The following PDZK1 variants were observed in gnomAD, a reference collection of about 807,000 sequenced individuals.
PDZK1 encodes PDZ domain containing 1, also known as Na(+)/H(+) exchange regulatory cofactor NHE-RF3.
PDZK1 carries 23 observed loss-of-function variants against 38.1 expected under a neutral mutation model. The ratio of observed to expected loss-of-function variants is 0.60; its 90% CI spans 0.43 to 0.85. The LOEUF (loss-of-function observed/expected upper bound fraction) is 0.85, where lower values mean the gene tolerates loss of function less well. PDZK1 is among the 40% of genes least tolerant of loss of function. The probability of loss-of-function intolerance (pLI) is 0.00; values close to 1 mark genes in which losing one functional copy is unlikely to be tolerated. For synonymous variants in PDZK1, 98 were observed against 186.2 expected (o/e 0.53, Z 3.86); for missense variants, 297 against 504.3 (o/e 0.59, Z 3.94).
intron 1 of PDZK1, among the ~76,000 whole-genome samples, chr1:145,704,502 A>G (rs1183319344): frequency 6.6e-6 from 1 of 152,202 alleles, no homozygotes; most frequent in Non-Finnish European, 1.5e-5. Context: ...AAGATGTGCT[A>G]GACACTATGT....
In PDZK1 at chr1:145,687,929, C is replaced by G; in HGVS notation, c.93G>C (p.Glu31Asp). The G allele has an allele frequency of 6.2e-7, 1 of 1,612,772 alleles. No individual in the cohort carries two copies. Among genetic ancestry groups the G allele is most frequent in the Non-Finnish European group, 8.5e-7 (1 of 1,179,532 alleles). ...TCTCAACCACCCGGACCAGGTGGCC[C>G]TCGGTGTCCTTCTCAATTCGCAGGA... The part of the protein sequence containing the change: ...GFFLRIEKDT[E>D]GHLVRVVEKC... The change falls in exon 2 of 9, where the codon GAG (glutamate) becomes GAC (aspartate). Residue 31 changes from glutamate to aspartate, a missense_variant. Physicochemically the swap from Glu to Asp is conservative, Grantham distance 45. This residue lies in a region of PDZK1 where 159 missense variants were observed against 200.0 expected (regional missense o/e 0.79). Coordinates refer to ENST00000417171, the MANE Select transcript of PDZK1 (RefSeq NM_001201325.2).
In PDZK1 at chr1:145,686,616, T is replaced by C; in HGVS notation, c.321A>G (p.Gln107=). 3.7e-6 allele frequency: 6 copies of C among 1,606,284 alleles called. No homozygotes were observed. Among genetic ancestry groups the C allele is most frequent in the Non-Finnish European group, 5.1e-6 (6 of 1,176,142 alleles). ...KTRVDLKELG[Q]SQKEQGLSDN... ...CACTCAAACCTTGCTCCTTCTGACT[T>C]TGACCCAACTCTTTCAAGTCCACCC... The change falls in exon 3 of 9, where the codon CAA becomes CAG. Residue 107 remains glutamine, a synonymous_variant. Transcript: ENST00000417171.
chr1:145,675,361 T>TTTCC (rs1483094453), intron 6 of PDZK1, among the ~76,000 whole-genome samples: 1 of 142,840 alleles, frequency 7.0e-6, no homozygotes. Context: ...AATCAAGCAA[T>TTTCC]GGAAGGTGAG....
At chr1:145,697,120 G>A (rs1553704254) in intron 1 of PDZK1, among the ~76,000 whole-genome samples, 1 of 152,054 alleles carries the variant, frequency 6.6e-6, no homozygotes, top group Non-Finnish European at 1.5e-5. Flanking sequence ...TTGAGGTTAG[G>A]AGTTCAAGAC....
At chr1:145,679,606 C>G (rs1654037624) in intron 5 of PDZK1, among the ~76,000 whole-genome samples, 1 of 152,092 alleles carries the variant, frequency 6.6e-6, no homozygotes, top group Non-Finnish European at 1.5e-5. Flanking sequence ...CAAGTCACTT[C>G]CTGGTGCAAC....
chr1:145,671,145 A>G lies in PDZK1; in HGVS notation c.*291T>C. ...GGAACCTGTAGAAGTAAGAGACATC[A>G]TCATACAGAGAAATGTAGTTAAGTT... On this transcript the variant is annotated 3_prime_UTR_variant, in exon 9 of 9. Coordinates refer to ENST00000417171, the MANE Select transcript of PDZK1 (RefSeq NM_001201325.2). The G allele has an allele frequency of 1.4e-6, 1 of 735,044 alleles. No homozygotes were observed. Among genetic ancestry groups the G allele is most frequent in the Non-Finnish European group, 1.9e-6 (1 of 520,554 alleles). The allele number at this position is 735,044 out of a possible 1,614,324, so 45.5% of individuals were successfully genotyped here.
intron 1 of PDZK1, among the ~76,000 whole-genome samples, chr1:145,702,408 C>T (rs147901108): frequency 6.2e-4 from 95 of 152,124 alleles, no homozygotes; most frequent in African/African-American, 2.1e-3. Flanking sequence ...ACAGCTCAAC[C>T]GCCTTGAGTG....
chr1:145,691,792 A>G (rs1655250852), intron 1 of PDZK1: 1 of 152,262 alleles, frequency 6.6e-6, no homozygotes, highest in Middle Eastern at 3.4e-3. Context: ...CCTGGGCAAC[A>G]GAATGAGACC....
rs11420111 is a variant in PDZK1, at chr1:145,687,524, C to CA, written c.210+287dup. ...TGGGTGAAAGAGCGAAACTCCATCT[C>CA]AAAAAAAAAAAAAAAAAAAAAAATA... On this transcript the variant is annotated intron_variant, in intron 2 of 8. Coordinates refer to ENST00000417171, the MANE Select transcript of PDZK1 (RefSeq NM_001201325.2). Among the ~76,000 whole-genome samples, 379 of 64,204 alleles carry CA rather than the reference C, an allele frequency of 5.9e-3. 1 individual carries two copies. The highest frequency in any genetic ancestry group is 0.033 in the Middle Eastern group (4 of 122). The allele number at this position is 64,204 out of a possible 152,430, so 42.1% of individuals were successfully genotyped here. A position where few individuals can be genotyped will look rare whatever the true frequency, so the allele number is the denominator to read the frequency against.
chr1:145,687,385 T>C (rs1215285489), intron 2 of PDZK1, among the ~76,000 whole-genome samples: 1 of 139,636 alleles, frequency 7.2e-6, no homozygotes, highest in Non-Finnish European at 1.5e-5. Flanking sequence ...AAAAGCTGGG[T>C]GTGGTGGCGG....
intron 1 of PDZK1, among the ~76,000 whole-genome samples, chr1:145,704,258 G>A (rs2101942131): frequency 6.6e-6 from 1 of 152,262 alleles, no homozygotes; most frequent in East Asian, 1.9e-4. Flanking sequence ...GTCCCCATTG[G>A]GACCCCATGG....
intron 1 of PDZK1, among the ~76,000 whole-genome samples, chr1:145,693,706 G>A (rs889265356): frequency 7.2e-5 from 11 of 151,762 alleles, no homozygotes; most frequent in East Asian, 5.8e-4. Context: ...CCCGGAAGGC[G>A]GAGCTTGCAG....
chr1:145,676,564 A>G (rs1254222084), intron 6 of PDZK1, among the ~76,000 whole-genome samples: 1 of 148,884 alleles, frequency 6.7e-6, no homozygotes, highest in Non-Finnish European at 1.5e-5. Flanking sequence ...TAAAACTACT[A>G]AAATACAAAA....
At chr1:145,698,606 AC>A (rs1182732983) in intron 1 of PDZK1, among the ~76,000 whole-genome samples, 1 of 152,146 alleles carries the variant, frequency 6.6e-6, no homozygotes, top group African/African-American at 2.4e-5. Context: ...GGTAACTTTT[AC>A]CCTAAGTTGG....
intron 2 of PDZK1, 139 bp from the exon 3 acceptor site, chr1:145,686,865 C>T (rs10158961): frequency 2.2e-6 from 2 of 926,598 alleles, no homozygotes; most frequent in South Asian, 1.7e-5. Context: ...CAGGTAGTTC[C>T]TCAGCCACCT....
Position 145,671,351 on chromosome 1 carries a change from C to G in PDZK1, c.*85G>C, listed in dbSNP as rs1553697734. On this transcript the variant is annotated 3_prime_UTR_variant, in exon 9 of 9. Transcript: ENST00000417171. ...TCTTCTAAAGAGACAGTAAACAGGT[C>G]ACAACTCATTCCTTGAGAAAGGATT... 17 of 1,602,820 alleles carry G rather than the reference C, an allele frequency of 1.1e-5. No homozygotes were observed. The highest frequency in any genetic ancestry group is 4.3e-6 in the Non-Finnish European group (5 of 1,174,230).
At chr1:145,681,530 C>T (rs1277908586) in intron 4 of PDZK1, among the ~76,000 whole-genome samples, 1 of 148,586 alleles carries the variant, frequency 6.7e-6, no homozygotes, top group Non-Finnish European at 1.5e-5. Context: ...CCTCGTGATC[C>T]ACCCGCCTCG....
At chr1:145,697,431 C>T (rs1655691054) in intron 1 of PDZK1, among the ~76,000 whole-genome samples, 1 of 152,074 alleles carries the variant, frequency 6.6e-6, no homozygotes, top group Non-Finnish European at 1.5e-5. Context: ...ATTTTAGTGT[C>T]ATCAAAACTA....
intron 1 of PDZK1, among the ~76,000 whole-genome samples, chr1:145,699,143 C>T (rs896912658): frequency 1.3e-5 from 2 of 151,800 alleles, no homozygotes; most frequent in Non-Finnish European, 2.9e-5. Context: ...GAGTCTGAGG[C>T]AGGAGAATCA....
Sources: allele counts gnomAD v4.1 joint callset (sites outside exome capture counted in the v4.1 genomes callset), GRCh38; gene constraint gnomAD v4.1.1; regional missense constraint gnomAD v4.1.1; transcripts MANE v1.5; gene names NCBI Gene and HGNC (gene_info 2026-07-23, HGNC 2026-07-21).